Variants in TXNDC11 observed in about 807,000 individuals in gnomAD.
TXNDC11 encodes the protein thioredoxin domain-containing protein 11.
In TXNDC11, 68 loss-of-function variants were observed where a neutral mutation model predicts 78.0. The observed-to-expected ratio is 0.87, with a 90% CI of 0.72 to 1.07. The LOEUF (loss-of-function observed/expected upper bound fraction) is 1.07. Among genes scored for constraint, TXNDC11 ranks in the 50% least tolerant of loss-of-function variants. TXNDC11 has a pLI of 0.00. For missense variants in TXNDC11, 1,389 were observed against 1,221.8 expected (o/e 1.14, Z -2.04); for synonymous variants, 571 against 495.2 (o/e 1.15, Z -2.03).
At chr16:11,705,771 T>A (rs2051163879) in intron 5 of TXNDC11, among the ~76,000 whole-genome samples, 1 of 152,226 alleles carries the variant, frequency 6.6e-6, no homozygotes, top group African/African-American at 2.4e-5. Flanking sequence ...TTCTAGCATA[T>A]GGTGGAAATC....
intron 7 of TXNDC11, among the ~76,000 whole-genome samples, chr16:11,696,290 G>A (rs1301009034): frequency 6.6e-6 from 1 of 152,004 alleles, no homozygotes; most frequent in Admixed American, 6.6e-5. Flanking sequence ...AGTCCGTCTC[G>A]AATACTTCAC....
At chr16:11,685,136 G>A (rs191269066) in intron 10 of TXNDC11, among the ~76,000 whole-genome samples, 1 of 152,344 alleles carries the variant, frequency 6.6e-6, no homozygotes, top group Non-Finnish European at 1.5e-5. Flanking sequence ...GGCCGAGGTG[G>A]GTGGACTGTT....
At chr16:11,721,415 G>A (rs1237237355) in intron 5 of TXNDC11, 162 bp downstream of exon 5, 1 of 410,658 alleles carries the variant, frequency 2.4e-6, no homozygotes. Context: ...CTCCAGCCTG[G>A]GCGGCAGGGC....
chr16:11,738,022 A>G (rs1231728119), intron 1 of TXNDC11, among the ~76,000 whole-genome samples: 1 of 152,228 alleles, frequency 6.6e-6, no homozygotes, highest in African/African-American at 2.4e-5. Flanking sequence ...AATAGTGAGC[A>G]TAAGAAATCT....
intron 5 of TXNDC11, among the ~76,000 whole-genome samples, chr16:11,702,819 G>T (rs1454057210): frequency 1.3e-5 from 2 of 152,200 alleles, no homozygotes; most frequent in African/African-American, 4.8e-5. Flanking sequence ...CCATCTTTCA[G>T]TGGTGTGGTC....
intron 5 of TXNDC11, among the ~76,000 whole-genome samples, chr16:11,711,934 G>A (rs2051374018): frequency 6.6e-6 from 1 of 152,204 alleles, no homozygotes; most frequent in South Asian, 2.1e-4. Context: ...TGGTTCAACT[G>A]TATATAAAAG....
At chr16:11,709,628 G>A (rs944159486) in intron 5 of TXNDC11, among the ~76,000 whole-genome samples, 4 of 151,442 alleles carry the variant, frequency 2.6e-5, no homozygotes, top group East Asian at 2.0e-4. Context: ...GTAGAGACGG[G>A]GTTTCACCAT....
At chr16:11,741,011 T>TA (rs34069981) in intron 1 of TXNDC11, among the ~76,000 whole-genome samples, 73,089 of 151,792 alleles carry the variant, frequency 0.48, 17,889 homozygotes, top group Middle Eastern at 0.57. Context: ...ATCTAGTGGG[T>TA]AGAGGCCGGG....
intron 5 of TXNDC11, chr16:11,703,532 A>ACACT: frequency 1.8e-6 from 1 of 550,824 alleles, no homozygotes; most frequent in African/African-American, 2.0e-5. Context: ...ACACACACAC[A>ACACT]CACACACACA....
intron 5 of TXNDC11, among the ~76,000 whole-genome samples, chr16:11,702,092 G>GTATATATATATATATATATATA (rs35673646): frequency 4.8e-5 from 7 of 144,334 alleles, no homozygotes; most frequent in African/African-American, 1.8e-4. Context: ...GTATGTATGT[G>GTATATATATATATATATATATA]TATATATATA....
At chr16:11,717,635 C>G (rs897526187) in intron 5 of TXNDC11, among the ~76,000 whole-genome samples, 1 of 151,678 alleles carries the variant, frequency 6.6e-6, no homozygotes, top group Non-Finnish European at 1.5e-5. Flanking sequence ...GCCTGGCCAA[C>G]ATGGTGAAAC....
At chr16:11,738,000 A>C (rs2052277423) in intron 1 of TXNDC11, among the ~76,000 whole-genome samples, 2 of 152,248 alleles carry the variant, frequency 1.3e-5, no homozygotes, top group East Asian at 1.9e-4. Flanking sequence ...ATGGGAAAAG[A>C]AAAACTATGT....
chr16:11,719,737 A>C (rs2051646692), intron 5 of TXNDC11, among the ~76,000 whole-genome samples: 1 of 152,216 alleles, frequency 6.6e-6, no homozygotes, highest in South Asian at 2.1e-4. Context: ...ACCCTCAGAA[A>C]TCTTACAGTC....
chr16:11,737,083 G>A (rs1442696524), intron 1 of TXNDC11, among the ~76,000 whole-genome samples: 2 of 152,146 alleles, frequency 1.3e-5, no homozygotes, highest in Non-Finnish European at 2.9e-5. Context: ...ACCCAATTAT[G>A]CACTATCTAA....
In TXNDC11 at chr16:11,730,775, C is replaced by G. The variant is rs757016547; in HGVS notation, c.570-1G>C. ...GCCTTTGTATTCGATTGGTCCAAAA[C>G]TAGTACCAAAAAATAAAAATAAAAA... On this transcript the variant is annotated splice_acceptor_variant, in intron 3 of 11. Coordinates refer to ENST00000283033, the MANE Select transcript of TXNDC11 (RefSeq NM_015914.7). LOFTEE classifies it high-confidence loss of function. The G allele has an allele frequency of 3.2e-6, 5 of 1,553,932 alleles. No individual in the cohort carries two copies. The highest frequency in any genetic ancestry group is 4.3e-6 in the Non-Finnish European group (5 of 1,149,602).
chr16:11,683,574 A>T (rs1192474356), intron 11 of TXNDC11, among the ~76,000 whole-genome samples: 1 of 65,294 alleles, frequency 1.5e-5, no homozygotes, highest in Non-Finnish European at 5.4e-5. Context: ...AGGGCAACAG[A>T]AGAATCCTGT....
chr16:11,680,992 C>T (rs1272675937), intron 11 of TXNDC11, among the ~76,000 whole-genome samples: 1 of 151,656 alleles, frequency 6.6e-6, no homozygotes, highest in Non-Finnish European at 1.5e-5. Flanking sequence ...TATAGTAAGG[C>T]CTCATCTGTA....
At chr16:11,723,838 A>G (rs1395843927) in intron 4 of TXNDC11, among the ~76,000 whole-genome samples, 1 of 152,196 alleles carries the variant, frequency 6.6e-6, no homozygotes, top group African/African-American at 2.4e-5. Context: ...CCAAGCTGTT[A>G]GGAATAAATG....
At chr16:11,702,619 G>A (rs2051064943) in intron 5 of TXNDC11, among the ~76,000 whole-genome samples, 1 of 152,216 alleles carries the variant, frequency 6.6e-6, no homozygotes, top group African/African-American at 2.4e-5. Flanking sequence ...GCCGCGAGCT[G>A]AGATCCCAAG....
Sources: gnomAD v4.1 joint callset for allele counts (sites outside exome capture counted in the v4.1 genomes callset) on GRCh38, gnomAD v4.1.1 for gene constraint, MANE v1.5 for transcripts, NCBI Gene and HGNC (gene_info 2026-07-23, HGNC 2026-07-21) for gene names.